The following GRIN2A variants were observed in gnomAD, a reference collection of about 807,000 sequenced individuals.
GRIN2A encodes glutamate receptor ionotropic, NMDA 2A.
Under a neutral mutation model 113.4 loss-of-function variants are expected in GRIN2A, and 22 were observed. The observed-to-expected ratio is 0.19, with a 90% CI of 0.14 to 0.28. The LOEUF (loss-of-function observed/expected upper bound fraction) is 0.28. Among genes scored for constraint, GRIN2A ranks in the 10% least tolerant of loss-of-function variants. The pLI, the probability that GRIN2A is intolerant of heterozygous loss-of-function variation, is 1.00. For missense variants in GRIN2A, 1,502 were observed against 1,887.0 expected (o/e 0.80, Z 3.78); for synonymous variants, 827 against 738.4 (o/e 1.12, Z -1.94).
chr16:9,992,197 G>T (rs1048896058), intron 2 of GRIN2A, among the ~76,000 whole-genome samples: 1 of 152,058 alleles, frequency 6.6e-6, no homozygotes, highest in Non-Finnish European at 1.5e-5. Context: ...CCAATGATCC[G>T]TTCATGGACA....
chr16:9,911,992 T>C (rs1445683445), intron 3 of GRIN2A, among the ~76,000 whole-genome samples: 2 of 152,136 alleles, frequency 1.3e-5, no homozygotes, highest in Non-Finnish European at 2.9e-5. Context: ...GGGGTTAATA[T>C]CCCTACCTCA....
At chr16:9,778,393 A>G (rs1901735599) in intron 11 of GRIN2A, among the ~76,000 whole-genome samples, 1 of 152,180 alleles carries the variant, frequency 6.6e-6, no homozygotes, top group Admixed American at 6.5e-5. Flanking sequence ...TGTGAGCACA[A>G]ATGAATTCAT....
chr16:10,148,633 G>A (rs2049496867), intron 2 of GRIN2A, among the ~76,000 whole-genome samples: 1 of 152,146 alleles, frequency 6.6e-6, no homozygotes, highest in Non-Finnish European at 1.5e-5. Context: ...CTCAACAAAT[G>A]TCAACTCCAT....
intron 2 of GRIN2A, among the ~76,000 whole-genome samples, chr16:10,157,795 T>C (rs1411834950): frequency 1.3e-5 from 2 of 152,208 alleles, no homozygotes; most frequent in Non-Finnish European, 2.9e-5. Context: ...CCATATCATA[T>C]GCTAAGTGAG....
chr16:9,777,806 G>C (rs1042476115), intron 11 of GRIN2A, among the ~76,000 whole-genome samples: 2 of 152,234 alleles, frequency 1.3e-5, no homozygotes, highest in Non-Finnish European at 2.9e-5. Flanking sequence ...GCTCACGCCT[G>C]TAATCCCAGC....
chr16:9,791,513 G>A (rs183785092), intron 11 of GRIN2A, among the ~76,000 whole-genome samples: 85 of 152,218 alleles, frequency 5.6e-4, no homozygotes, highest in South Asian at 2.5e-3. Context: ...TCAGGGATAC[G>A]CCGTCCTCAG....
In GRIN2A at chr16:9,970,802, T is replaced by A. The variant is rs2045655703; in HGVS notation, c.415-32251A>T. On this transcript the variant is annotated intron_variant, in intron 2 of 12. Transcript: ENST00000330684. Reference sequence around the variant, plus strand: ...GGAGAAATATTGGATATATCAAATATAGTTCCTTCCCCTGAGAAACGCAGA... The same window carrying A: ...GGAGAAATATTGGATATATCAAATAAAGTTCCTTCCCCTGAGAAACGCAGA... 1.3e-5 allele frequency: 10 copies of A among 778,090 alleles called. No homozygotes were observed. In the South Asian group the frequency reaches 5.9e-4, roughly 46 times the overall value. 48.2% of individuals were successfully genotyped at this position (778,090 alleles called of 1,614,324 possible).
intron 2 of GRIN2A, among the ~76,000 whole-genome samples, chr16:10,148,541 C>T (rs539230775): frequency 6.6e-6 from 1 of 152,320 alleles, no homozygotes; most frequent in East Asian, 1.9e-4. Flanking sequence ...TTGATATCTG[C>T]TTCCACTTGA....
At chr16:9,805,242 G>A (rs1475653166) in intron 10 of GRIN2A, among the ~76,000 whole-genome samples, 1 of 152,188 alleles carries the variant, frequency 6.6e-6, no homozygotes, top group East Asian at 1.9e-4. Flanking sequence ...AAAGTTTCCG[G>A]TTTTAGCTCA....
In GRIN2A at chr16:10,043,096, C is replaced by A. The variant is rs552960286; in HGVS notation, c.415-104545G>T. Among the ~76,000 whole-genome samples, 151 of 152,314 alleles carry A rather than the reference C, an allele frequency of 9.9e-4. 2 individuals are homozygous for A. Among genetic ancestry groups the A allele is most frequent in the African/African-American group, 3.5e-3 (147 of 41,562 alleles). ...AACATACCCCAACTCATTCAAGGAG[C>A]TACTTGTAATGGGCTCTCTGCATTT... On this transcript the variant is annotated intron_variant, in intron 2 of 12. Transcript: ENST00000330684.
Position 9,764,735 on chromosome 16 carries a change from C to G in GRIN2A, c.2809G>C (p.Asp937His), listed in dbSNP as rs769602505. 1 of 1,614,254 alleles carries G rather than the reference C, an allele frequency of 6.2e-7. No individual in the cohort carries two copies. The highest frequency in any genetic ancestry group is 8.5e-7 in the Non-Finnish European group (1 of 1,180,034). The change falls in exon 13 of 13, where the codon GAT (aspartate) becomes CAT (histidine). Residue 937 changes from aspartate to histidine, a missense_variant. Physicochemically the swap from Asp to His is moderately conservative, Grantham distance 81. Transcript: ENST00000330684. ...RGSLIMDMVS[D>H]KGNLMYSDNR... ...TCTGAGTACATCAAATTCCCCTTATCTGAAACCATGTCCATGATGAGGGAA... is the reference window on the plus strand; with the variant it reads ...TCTGAGTACATCAAATTCCCCTTATGTGAAACCATGTCCATGATGAGGGAA...
intron 3 of GRIN2A, among the ~76,000 whole-genome samples, chr16:9,927,704 T>A (rs2044495654): frequency 6.6e-6 from 1 of 152,218 alleles, no homozygotes; most frequent in Non-Finnish European, 1.5e-5. Context: ...ACCCTTAGAG[T>A]ACTTTCACGT....
At chr16:9,966,194 T>C (rs2045553695) in intron 2 of GRIN2A, among the ~76,000 whole-genome samples, 2 of 152,154 alleles carry the variant, frequency 1.3e-5, no homozygotes, top group South Asian at 4.1e-4. Flanking sequence ...TGGGGGTTTG[T>C]TGTACAGGTT....
chr16:9,999,337 A>T (rs1462199703), intron 2 of GRIN2A, among the ~76,000 whole-genome samples: 1 of 152,220 alleles, frequency 6.6e-6, no homozygotes, highest in African/African-American at 2.4e-5. Flanking sequence ...AAGGATTGAT[A>T]AGAATCAAGC....
chr16:10,082,203 G>A (rs2047998884), intron 2 of GRIN2A, among the ~76,000 whole-genome samples: 2 of 152,198 alleles, frequency 1.3e-5, no homozygotes, highest in South Asian at 2.1e-4. Context: ...TTATGAGAGA[G>A]CTTTGGAAAA....
chr16:9,805,699 G>A (rs1443592323), intron 10 of GRIN2A: 1 of 152,190 alleles, frequency 6.6e-6, no homozygotes, highest in Non-Finnish European at 1.5e-5. Flanking sequence ...GGATTAAAAT[G>A]GAAGTGAAGG....
intron 4 of GRIN2A, among the ~76,000 whole-genome samples, chr16:9,870,027 AT>A (rs973960349): frequency 6.6e-6 from 1 of 151,976 alleles, no homozygotes. Flanking sequence ...ATGTATTTGG[AT>A]TTTTTTTCCC....
In GRIN2A at chr16:9,890,463, T is replaced by C. The variant is rs191451970; in HGVS notation, c.1122+523A>G. Among the ~76,000 whole-genome samples the C allele has an allele frequency of 2.8e-4, 42 of 152,370 alleles. No homozygotes were observed. In the East Asian group the frequency reaches 6.9e-3, roughly 25 times the overall value. ...TTTTTTGTATTTTCAATAGCTAATA[T>C]ACATGTAGTTGAAAATATGCTTTAT... On this transcript the variant is annotated intron_variant, in intron 4 of 12. Coordinates refer to ENST00000330684, the MANE Select transcript of GRIN2A (RefSeq NM_001134407.3).
At chr16:10,106,133 C>T (rs1215296807) in intron 2 of GRIN2A, among the ~76,000 whole-genome samples, 2 of 150,798 alleles carry the variant, frequency 1.3e-5, no homozygotes, top group African/African-American at 4.9e-5. Context: ...ATGAGGCATG[C>T]GTACTTCCCC....
Sources: allele counts gnomAD v4.1 joint callset (sites outside exome capture counted in the v4.1 genomes callset), GRCh38; gene constraint gnomAD v4.1.1; transcripts MANE v1.5; gene names NCBI Gene and HGNC (gene_info 2026-07-23, HGNC 2026-07-21).